Variants in ADAMTS18 observed in about 807,000 individuals in gnomAD.
ADAMTS18 encodes ADAM metallopeptidase with thrombospondin type 1 motif 18.
ADAMTS18 carries 157 observed loss-of-function variants against 165.9 expected under a neutral mutation model. The observed-to-expected ratio is 0.95, with a 90% confidence interval of 0.83 to 1.08. The LOEUF (loss-of-function observed/expected upper bound fraction) is 1.08, where lower values mean the gene tolerates loss of function less well. ADAMTS18 is among the 50% of genes least tolerant of loss of function. ADAMTS18 has a pLI of 0.00. For synonymous variants in ADAMTS18, 782 were observed against 578.2 expected (o/e 1.35, Z -5.06); for missense variants, 2,040 against 1,534.0 (o/e 1.33, Z -5.51).
In ADAMTS18 at chr16:77,297,402, T is replaced by C. The variant is rs1019373861; in HGVS notation, c.2688A>G (p.Val896=). The C allele has an allele frequency of 6.2e-7, 1 of 1,612,750 alleles. No homozygotes were observed. Among genetic ancestry groups the C allele is most frequent in the South Asian group, 1.1e-5 (1 of 91,048 alleles). The stretch of plus-strand genomic sequence containing the variant: ...TTTGATCTCGCAAGCAAATGGCCTT[T>C]ACATTTATGTAACCTGGTAAGACAT... ...SVSCGGGYIN[V]KAICLRDQNT... The change falls in exon 18 of 23, where the codon GTA becomes GTG. Residue 896 remains valine (V), a synonymous_variant. Transcript: ENST00000282849.
intron 3 of ADAMTS18, among the ~76,000 whole-genome samples, chr16:77,401,130 C>G (rs971381102): frequency 6.6e-6 from 1 of 152,004 alleles, no homozygotes; most frequent in East Asian, 1.9e-4. Flanking sequence ...TGGCGGGTGC[C>G]TATAATACCA....
chr16:77,424,866 A>G (rs1463276687), intron 3 of ADAMTS18, among the ~76,000 whole-genome samples: 1 of 152,162 alleles, frequency 6.6e-6, no homozygotes, highest in Non-Finnish European at 1.5e-5. Flanking sequence ...GGGTGTATGT[A>G]ATTCAACAAA....
chr16:77,338,665 G>A (rs2056349366), intron 11 of ADAMTS18, among the ~76,000 whole-genome samples: 1 of 151,938 alleles, frequency 6.6e-6, no homozygotes, highest in African/African-American at 2.4e-5. Flanking sequence ...ATAAAAGTAA[G>A]TGGCTTGGCC....
chr16:77,285,721 A>G (rs1198068755), intron 22 of ADAMTS18, among the ~76,000 whole-genome samples: 1 of 152,180 alleles, frequency 6.6e-6, no homozygotes, highest in Non-Finnish European at 1.5e-5. Context: ...ACTGTGAGTC[A>G]GGTATTTCAT....
intron 3 of ADAMTS18, among the ~76,000 whole-genome samples, chr16:77,394,696 T>C (rs964790351): frequency 2.6e-5 from 4 of 152,178 alleles, no homozygotes; most frequent in African/African-American, 9.7e-5. Context: ...ACCACGAAAA[T>C]TTCAAGAAAG....
At chr16:77,297,700 A>C (rs1567461631) in intron 17 of ADAMTS18, among the ~76,000 whole-genome samples, 1 of 152,248 alleles carries the variant, frequency 6.6e-6, no homozygotes, top group East Asian at 1.9e-4. Flanking sequence ...AACCTTTTGA[A>C]AACAGAATGA....
At chr16:77,418,960 C>T (rs1415040028) in intron 3 of ADAMTS18, among the ~76,000 whole-genome samples, 1 of 152,128 alleles carries the variant, frequency 6.6e-6, no homozygotes, top group Non-Finnish European at 1.5e-5. Flanking sequence ...ATCAGCCTGG[C>T]CAACGTGGTG....
intron 16 of ADAMTS18, among the ~76,000 whole-genome samples, chr16:77,305,955 C>A (rs898873344): frequency 6.6e-5 from 10 of 152,186 alleles, no homozygotes; most frequent in African/African-American, 2.2e-4. Context: ...TAGTCCATTG[C>A]TTTTCTCAGC....
chr16:77,357,405 G>A (rs1402710134), intron 8 of ADAMTS18, among the ~76,000 whole-genome samples: 1 of 152,130 alleles, frequency 6.6e-6, no homozygotes, highest in Non-Finnish European at 1.5e-5. Context: ...CTCAGTGAAA[G>A]CATTTTCTTA....
intron 17 of ADAMTS18, among the ~76,000 whole-genome samples, chr16:77,298,293 A>AT (rs2144586272): frequency 6.6e-6 from 1 of 152,144 alleles, no homozygotes; most frequent in South Asian, 2.1e-4. Flanking sequence ...AGGGGCATAT[A>AT]TTTTTTTAAA....
At chr16:77,293,378 G>A (rs940270204) in intron 19 of ADAMTS18, 120 bp from the exon 20 acceptor site, 1 of 901,224 alleles carries the variant, frequency 1.1e-6, no homozygotes, top group Non-Finnish European at 1.7e-6. Context: ...ATGAACTAAA[G>A]CTCTTTTTAC....
At chr16:77,343,744 A>T (rs940334281) in intron 10 of ADAMTS18, among the ~76,000 whole-genome samples, 5 of 152,198 alleles carry the variant, frequency 3.3e-5, no homozygotes, top group Non-Finnish European at 7.3e-5. Flanking sequence ...ACAGAACCAG[A>T]TTACTTTCCG....
chr16:77,391,385 G>T (rs895177927), intron 3 of ADAMTS18, among the ~76,000 whole-genome samples: 6 of 151,890 alleles, frequency 4.0e-5, no homozygotes, highest in Admixed American at 2.6e-4. Context: ...CAGCTACTCG[G>T]AAGGCTGAAG....
chr16:77,393,164 G>C (rs1179638790), intron 3 of ADAMTS18, among the ~76,000 whole-genome samples: 1 of 152,188 alleles, frequency 6.6e-6, no homozygotes, highest in Admixed American at 6.5e-5. Context: ...CAGATGTCCA[G>C]AGCAGAACAT....
chr16:77,368,972 T>C (rs1003040848), intron 3 of ADAMTS18, among the ~76,000 whole-genome samples: 29 of 152,330 alleles, frequency 1.9e-4, no homozygotes, highest in Admixed American at 5.2e-4. Flanking sequence ...CCCTTGTCTT[T>C]CTTTCAGCAA....
intron 12 of ADAMTS18, among the ~76,000 whole-genome samples, chr16:77,327,230 T>C (rs573869929): frequency 2.0e-5 from 3 of 152,330 alleles, no homozygotes; most frequent in Non-Finnish European, 2.9e-5. Context: ...GTTGTTTGGT[T>C]ACATAAAAAA....
In ADAMTS18 at chr16:77,300,419, A is replaced by G; in HGVS notation, c.2533-15T>C. On this transcript the variant is annotated splice_polypyrimidine_tract_variant and intron_variant, in intron 16 of 22. Coordinates refer to ENST00000282849, the MANE Select transcript of ADAMTS18 (RefSeq NM_199355.4). ...TGCATCAGAATCTGGACAGTGTAAGATAAAAATCAGAGATCAAGATACAGG... is the reference window on the plus strand; with the variant it reads ...TGCATCAGAATCTGGACAGTGTAAGGTAAAAATCAGAGATCAAGATACAGG... 1.9e-6 allele frequency: 3 copies of G among 1,614,016 alleles called. No homozygotes were observed. Among genetic ancestry groups the G allele is most frequent in the Non-Finnish European group, 2.5e-6 (3 of 1,179,912 alleles).
At chr16:77,322,539 A>G (rs2056022263) in intron 13 of ADAMTS18, 73 bp from the exon 14 acceptor site, 2 of 1,551,234 alleles carry the variant, frequency 1.3e-6, no homozygotes, top group Admixed American at 1.7e-5. Context: ...TGTCAAAAGA[A>G]TGAATTAAAT....
chr16:77,340,469 C>A (rs2144685568), intron 11 of ADAMTS18, among the ~76,000 whole-genome samples: 1 of 152,272 alleles, frequency 6.6e-6, no homozygotes, highest in Non-Finnish European at 1.5e-5. Context: ...GCCACTGTGC[C>A]CCGCCTGGAC....
Sources: gnomAD v4.1 joint callset for allele counts (sites outside exome capture counted in the v4.1 genomes callset) on GRCh38, gnomAD v4.1.1 for gene constraint, MANE v1.5 for transcripts, NCBI Gene and HGNC (gene_info 2026-07-23, HGNC 2026-07-21) for gene names.